Variants in MICAL3 observed in about 807,000 individuals in gnomAD.
The protein encoded by MICAL3 is microtubule associated monooxygenase, calponin and LIM domain containing 3.
In MICAL3, 62 loss-of-function variants were observed where a neutral mutation model predicts 207.4. That is an observed-to-expected ratio of 0.30 (90% CI 0.24 to 0.37). The LOEUF is 0.37. Among genes scored for constraint, MICAL3 ranks in the 10% least tolerant of loss-of-function variants. The probability of loss-of-function intolerance (pLI) is 1.00; values close to 1 mark genes in which losing one functional copy is unlikely to be tolerated. For synonymous variants in MICAL3, 1,077 were observed against 1,069.3 expected (o/e 1.01, Z -0.14); for missense variants, 2,368 against 2,635.6 (o/e 0.90, Z 2.22).
In MICAL3 at chr22:17,816,792, G is replaced by A. The variant is rs1006785972; in HGVS notation, c.5351-8C>T. On this transcript the variant is annotated splice_polypyrimidine_tract_variant and splice_region_variant and intron_variant, in intron 26 of 31. Coordinates refer to ENST00000441493, the MANE Select transcript of MICAL3 (RefSeq NM_015241.3). Reference sequence around the variant, plus strand: ...GGCGCCGGAGCTGCAGCTCTGTGGAGAGAGGGAGGCCACGTGAGGACAGCG... The same window carrying A: ...GGCGCCGGAGCTGCAGCTCTGTGGAAAGAGGGAGGCCACGTGAGGACAGCG... 1 of 1,547,594 alleles carries A rather than the reference G, an allele frequency of 6.5e-7. No homozygotes were observed. The highest frequency in any genetic ancestry group is 1.4e-5 in the African/African-American group (1 of 73,048).
intron 1 of MICAL3, among the ~76,000 whole-genome samples, chr22:18,004,077 G>C (rs1923216994): frequency 6.6e-6 from 1 of 150,870 alleles, no homozygotes; most frequent in African/African-American, 2.4e-5. Context: ...CCCTGGGATA[G>C]CCTTTCTAAT....
In MICAL3 at chr22:17,893,167, T is replaced by TCC. The variant is rs1474991006; in HGVS notation, c.1546+639_1546+640dup. On this transcript the variant is annotated intron_variant, in intron 11 of 31. Transcript: ENST00000441493. ...AAAGTCTGAGGTCTCCTCCACTGCC[T>TCC]CCTCCCTTCTTCATCCCCAGCATCA... Among the ~76,000 whole-genome samples the TCC allele has an allele frequency of 8.5e-5, 13 of 152,068 alleles. No homozygotes were observed. The East Asian group carries it at 1.9e-3, about 23-fold the overall frequency.
intron 1 of MICAL3, among the ~76,000 whole-genome samples, chr22:17,945,453 T>C (rs757648515): frequency 4.0e-5 from 6 of 151,764 alleles, no homozygotes; most frequent in Non-Finnish European, 8.8e-5. Flanking sequence ...CCTGTGGGAG[T>C]AGGAGAGGCA....
At position 17,796,362 on chromosome 22, in the gene MICAL3, C is replaced by T; in HGVS notation, c.5651-5061G>A. ...AACAGTACACCACCAGGGAGTGAGG[C>T]CTGTCCAGAGCAGCGCATGAGATGG... is the stretch of plus-strand genomic sequence containing the variant. On this transcript the variant is annotated intron_variant, in intron 29 of 31. Coordinates refer to ENST00000441493, the MANE Select transcript of MICAL3 (RefSeq NM_015241.3). The surrounding 1 kb of genome is among the most constrained non-coding windows in gnomAD (Gnocchi z 4.4). Among the ~76,000 whole-genome samples, 1 of 152,236 alleles carries T rather than the reference C, an allele frequency of 6.6e-6. No homozygotes were observed. Among genetic ancestry groups the T allele is most frequent in the East Asian group, 1.9e-4 (1 of 5,200 alleles).
At chr22:17,855,655 C>G (rs151293734) in intron 19 of MICAL3, among the ~76,000 whole-genome samples, 1 of 152,190 alleles carries the variant, frequency 6.6e-6, no homozygotes, top group African/African-American at 2.4e-5. Context: ...ACAGTCAATT[C>G]GGATGGTTGT....
At chr22:17,996,643 GACACCACCCATC>G (rs1316590747) in intron 1 of MICAL3, among the ~76,000 whole-genome samples, 2 of 152,214 alleles carry the variant, frequency 1.3e-5, no homozygotes, top group Non-Finnish European at 2.9e-5. Context: ...CTGAGTGTCT[GACACCACCCATC>G]ACCCAGGGGA....
intron 16 of MICAL3, chr22:17,881,090 T>C (rs1262716271): frequency 4.3e-6 from 4 of 927,564 alleles, no homozygotes; most frequent in Non-Finnish European, 6.9e-6. Flanking sequence ...GCATAGCCTT[T>C]CTTCTTGATA....
intron 1 of MICAL3, among the ~76,000 whole-genome samples, chr22:17,961,112 C>G (rs1934893356): frequency 6.6e-6 from 1 of 152,132 alleles, no homozygotes; most frequent in Non-Finnish European, 1.5e-5. Flanking sequence ...GGAAGCCAAT[C>G]TGGAAGTGCC....
At chr22:17,994,355 G>A (rs900039680) in intron 1 of MICAL3, among the ~76,000 whole-genome samples, 3 of 152,216 alleles carry the variant, frequency 2.0e-5, no homozygotes, top group Non-Finnish European at 4.4e-5. Flanking sequence ...TGACCAAGCT[G>A]CTCCTCCTCT....
At chr22:17,914,390 C>T (rs1037798663) in intron 1 of MICAL3, among the ~76,000 whole-genome samples, 1 of 152,128 alleles carries the variant, frequency 6.6e-6, no homozygotes, top group Non-Finnish European at 1.5e-5. Context: ...CCTATGGCAT[C>T]TTCACCACCA....
chr22:17,853,389 G>A (rs1215169969), intron 19 of MICAL3, among the ~76,000 whole-genome samples: 1 of 152,172 alleles, frequency 6.6e-6, no homozygotes, highest in Non-Finnish European at 1.5e-5. Flanking sequence ...ATCTCAACGG[G>A]CCACCTTGTC....
At position 17,818,627 on chromosome 22, in the gene MICAL3, C is replaced by T. The variant is rs774090838; in HGVS notation, c.4034G>A (p.Arg1345His). ...RRSLGLTPVD[R>H]SKGPEPSFPT... The stretch of plus-strand genomic sequence containing the variant: ...GAAGCTGGGCTCGGGCCCCTTGCTG[C>T]GGTCCACAGGTGTGAGCCCGAGGCT... The change falls in exon 26 of 32, where the codon CGC becomes CAC. Residue 1345 changes from arginine to histidine, a missense_variant. By Grantham distance (29) the Arg-to-His change is conservative. Around this residue, in one of 4 missense-constraint regions of MICAL3, gnomAD observed 1,770 missense variants for 1,863.2 expected, o/e 0.95. Transcript: ENST00000441493. The T allele has an allele frequency of 3.9e-5, 63 of 1,613,470 alleles. No individual in the cohort carries two copies. Among genetic ancestry groups the T allele is most frequent in the Admixed American group, 1.8e-4 (11 of 60,006 alleles).
chr22:17,797,661 G>T (rs192050727), intron 29 of MICAL3, among the ~76,000 whole-genome samples: 67 of 152,262 alleles, frequency 4.4e-4, no homozygotes, highest in Non-Finnish European at 3.4e-4. Flanking sequence ...TGACCCACTG[G>T]CTTCTACATG....
At chr22:17,845,931 T>A (rs1602041094) in intron 19 of MICAL3, among the ~76,000 whole-genome samples, 1 of 152,232 alleles carries the variant, frequency 6.6e-6, no homozygotes, top group African/African-American at 2.4e-5. Flanking sequence ...CTGGAGATTC[T>A]GCAAATCCCG....
chr22:17,881,102 T>G, intron 16 of MICAL3: 1 of 978,646 alleles, frequency 1.0e-6, no homozygotes, highest in Non-Finnish European at 1.6e-6. Flanking sequence ...TTCTTGATAG[T>G]TATTGCTGGT....
intron 25 of MICAL3, among the ~76,000 whole-genome samples, chr22:17,820,763 ATTT>A (rs1336488369): frequency 6.6e-6 from 1 of 150,948 alleles, no homozygotes; most frequent in Non-Finnish European, 1.5e-5. Context: ...ATTTAAACAA[ATTT>A]ATTTTTAATA....
At chr22:17,955,700 A>G (rs1290047832) in intron 1 of MICAL3, among the ~76,000 whole-genome samples, 2 of 152,192 alleles carry the variant, frequency 1.3e-5, no homozygotes, top group African/African-American at 2.4e-5. Flanking sequence ...TCTAAGATGA[A>G]CCCCACATTT....
Position 17,877,579 on chromosome 22 carries a change from A to AGGTT in MICAL3, c.2242-5557_2242-5556insAACC, listed in dbSNP as rs1569110902. ...GTTATGGAGGTTAGGGAGGTTAGGG[A>AGGTT]AGTTATGGAGGTTAGGGAGGTTATG... is the stretch of plus-strand genomic sequence containing the variant. On this transcript the variant is annotated intron_variant, in intron 16 of 31. Transcript: ENST00000441493. Among the ~76,000 whole-genome samples the AGGTT allele has an allele frequency of 1.5e-3, 222 of 144,782 alleles. 3 individuals are homozygous for AGGTT. The highest frequency in any genetic ancestry group is 5.5e-3 in the African/African-American group (208 of 37,868). The allele number at this position is 144,782 out of a possible 152,430, so 95.0% of individuals were successfully genotyped here. A position where few individuals can be genotyped will look rare whatever the true frequency, so the allele number is the denominator to read the frequency against.
chr22:17,930,072 T>C (rs1204001648), intron 1 of MICAL3, among the ~76,000 whole-genome samples: 2 of 152,110 alleles, frequency 1.3e-5, no homozygotes, highest in Non-Finnish European at 2.9e-5. Context: ...TGAACAGGTG[T>C]TTAACATATT....
Sources: allele counts gnomAD v4.1 joint callset (sites outside exome capture counted in the v4.1 genomes callset), GRCh38; gene constraint gnomAD v4.1.1; regional missense constraint gnomAD v4.1.1; non-coding constraint Gnocchi (gnomAD v3.1); transcripts MANE v1.5; gene names NCBI Gene and HGNC (gene_info 2026-07-23, HGNC 2026-07-21).